Variants in TENM3 observed in about 807,000 individuals in gnomAD.
TENM3 encodes the protein teneurin transmembrane protein 3.
Under a neutral mutation model 255.1 loss-of-function variants are expected in TENM3, and 63 were observed. The observed-to-expected ratio is 0.25, with a 90% CI of 0.20 to 0.30. The LOEUF is 0.30. Among genes scored for constraint, TENM3 ranks in the 10% least tolerant of loss-of-function variants. TENM3 has a pLI of 1.00. For synonymous variants in TENM3, 1,306 were observed against 1,322.3 expected, an observed-to-expected ratio of 0.99 and a Z score of 0.27; for missense variants, 2,929 against 3,461.1, an observed-to-expected ratio of 0.85 and a Z score of 3.86.
chr4:181,793,350 C>T, the TENM3 span, among the ~76,000 whole-genome samples: 3 of 152,292 alleles, frequency 2.0e-5, no homozygotes, highest in African/African-American at 2.4e-5. Context: ...CTGTGGGTGA[C>T]ACCACAAACT....
chr4:181,913,392 C>G, the TENM3 span, among the ~76,000 whole-genome samples: 1 of 152,132 alleles, frequency 6.6e-6, no homozygotes, highest in African/African-American at 2.4e-5. Flanking sequence ...CAATTTACTT[C>G]TATAGAAGGT....
chr4:182,329,839 GA>G (rs1359594291), intron 2 of TENM3, among the ~76,000 whole-genome samples: 1 of 152,162 alleles, frequency 6.6e-6, no homozygotes, highest in Non-Finnish European at 1.5e-5. Flanking sequence ...ACTCAAAACA[GA>G]AAAGAGAATT....
chr4:182,083,769 A>G, the TENM3 span, among the ~76,000 whole-genome samples: 2 of 152,228 alleles, frequency 1.3e-5, no homozygotes, highest in Non-Finnish European at 2.9e-5. Context: ...CAGTAACTGC[A>G]TATACGTGGC....
the TENM3 span, among the ~76,000 whole-genome samples, chr4:181,523,404 A>T: frequency 6.8e-6 from 1 of 146,272 alleles, no homozygotes; most frequent in South Asian, 2.2e-4. Context: ...GCTATGAAAT[A>T]AAACATTTTA....
chr4:181,485,812 A>G, the TENM3 span, among the ~76,000 whole-genome samples: 1 of 152,194 alleles, frequency 6.6e-6, no homozygotes, highest in African/African-American at 2.4e-5. Flanking sequence ...CATCAGTAAA[A>G]TAAGATAAAA....
chr4:182,156,166 A>T (rs564170027), intron 1 of TENM3, among the ~76,000 whole-genome samples: 2 of 152,148 alleles, frequency 1.3e-5, no homozygotes, highest in South Asian at 2.1e-4. Flanking sequence ...TCGAGTCATT[A>T]TGACAGTGGT....
the TENM3 span, among the ~76,000 whole-genome samples, chr4:181,656,296 G>T: frequency 6.6e-6 from 1 of 152,136 alleles, no homozygotes; most frequent in African/African-American, 2.4e-5. Flanking sequence ...GCCAGCCAAA[G>T]AAAGGGCTTG....
the TENM3 span, among the ~76,000 whole-genome samples, chr4:181,702,862 G>C: frequency 6.6e-6 from 1 of 151,848 alleles, no homozygotes; most frequent in Non-Finnish European, 1.5e-5. Context: ...GGTCATTTTA[G>C]AGCATTTAGC....
At chr4:182,151,212 C>G (rs1750326050) in intron 1 of TENM3, among the ~76,000 whole-genome samples, 1 of 151,968 alleles carries the variant, frequency 6.6e-6, no homozygotes, top group Non-Finnish European at 1.5e-5. Context: ...GTTATGCAGA[C>G]AGTGAAAAGA....
the TENM3 span, among the ~76,000 whole-genome samples, chr4:182,006,816 T>C: frequency 6.6e-6 from 1 of 152,164 alleles, no homozygotes; most frequent in Admixed American, 6.5e-5. Flanking sequence ...TTAATTGTGA[T>C]GTTACAGTGT....
intron 3 of TENM3, among the ~76,000 whole-genome samples, chr4:182,549,545 G>T (rs1198376424): frequency 6.6e-6 from 1 of 152,176 alleles, no homozygotes; most frequent in Non-Finnish European, 1.5e-5. Context: ...CAAATGTTAG[G>T]CTTGTCAGCA....
chr4:181,571,806 T>G, the TENM3 span, among the ~76,000 whole-genome samples: 1 of 152,222 alleles, frequency 6.6e-6, no homozygotes, highest in Admixed American at 6.5e-5. Flanking sequence ...TACAAAGTGT[T>G]TTGTTCCATC....
chr4:182,324,974 A>T (rs75177325), intron 2 of TENM3, among the ~76,000 whole-genome samples: 1 of 151,622 alleles, frequency 6.6e-6, no homozygotes, highest in African/African-American at 2.4e-5. Flanking sequence ...ACCCATTTCT[A>T]CTCTTAAGAC....
At chr4:181,907,212 A>C in the TENM3 span, among the ~76,000 whole-genome samples, 3 of 152,190 alleles carry the variant, frequency 2.0e-5, no homozygotes, top group Admixed American at 1.3e-4. Flanking sequence ...TAAAGAAAAA[A>C]TGGTAGTCAC....
chr4:181,467,655 C>T, the TENM3 span, among the ~76,000 whole-genome samples: 1 of 151,890 alleles, frequency 6.6e-6, no homozygotes, highest in African/African-American at 2.4e-5. Context: ...GGAAAATGAG[C>T]ATAAGGTGAC....
At chr4:181,577,356 C>A in the TENM3 span, among the ~76,000 whole-genome samples, 7 of 151,132 alleles carry the variant, frequency 4.6e-5, no homozygotes, top group Non-Finnish European at 7.4e-5. Context: ...CTGGATTTTT[C>A]TTAAGGATTT....
chr4:182,362,907 C>T (rs960072567), intron 3 of TENM3, among the ~76,000 whole-genome samples: 1 of 152,212 alleles, frequency 6.6e-6, no homozygotes, highest in African/African-American at 2.4e-5. Flanking sequence ...TACTTTTCAT[C>T]TCACAACTTT....
the TENM3 span, among the ~76,000 whole-genome samples, chr4:181,869,662 C>G: frequency 6.6e-6 from 1 of 151,818 alleles, no homozygotes; most frequent in Admixed American, 6.6e-5. Context: ...TTTTTGAAAC[C>G]AAGACTTTGA....
the TENM3 span, among the ~76,000 whole-genome samples, chr4:181,783,944 T>C: frequency 6.6e-6 from 1 of 152,288 alleles, no homozygotes; most frequent in African/African-American, 2.4e-5. Context: ...CAAGCAGTCC[T>C]CCAGCCTTGG....
Sources: gnomAD v4.1 joint callset for allele counts (sites outside exome capture counted in the v4.1 genomes callset) on GRCh38, gnomAD v4.1.1 for gene constraint, MANE v1.5 for transcripts, NCBI Gene and HGNC (gene_info 2026-07-23, HGNC 2026-07-21) for gene names.